LRMDA: variants seen among roughly 807,000 people sequenced by gnomAD.
The protein encoded by LRMDA is leucine-rich melanocyte differentiation-associated protein.
In LRMDA, 18 loss-of-function variants were observed where a neutral mutation model predicts 29.8. That is an observed-to-expected ratio of 0.60 (90% CI 0.42 to 0.90). The LOEUF (loss-of-function observed/expected upper bound fraction) is 0.90, where lower values mean the gene tolerates loss of function less well. Among genes scored for constraint, LRMDA ranks in the 40% least tolerant of loss-of-function variants. The probability of loss-of-function intolerance (pLI) is 0.00; values close to 1 mark genes in which losing one functional copy is unlikely to be tolerated. For synonymous variants in LRMDA, 125 were observed against 109.4 expected (o/e 1.14, Z -0.89); for missense variants, 273 against 273.9 (o/e 1.00, Z 0.02).
intron 2 of LRMDA, among the ~76,000 whole-genome samples, chr10:76,010,400 C>A (rs1847756175): frequency 6.6e-6 from 1 of 151,728 alleles, no homozygotes; most frequent in African/African-American, 2.4e-5. Context: ...GCAACCTCCG[C>A]CTCCCGAGTT....
At chr10:75,654,240 A>G (rs1841638699) in intron 2 of LRMDA, among the ~76,000 whole-genome samples, 1 of 152,216 alleles carries the variant, frequency 6.6e-6, no homozygotes, top group Non-Finnish European at 1.5e-5. Context: ...TACTGGCTGT[A>G]TGACTGTGGG....
At position 76,074,137 on chromosome 10, in the gene LRMDA, C is replaced by T. The variant is rs139940904; in HGVS notation, c.516+15354C>T. ...TTCTCTTAAATCTATCCACACTTCT[C>T]AGGGGTTATACTTGTTTAAAGATTG... is the stretch of plus-strand genomic sequence containing the variant. On this transcript the variant is annotated intron_variant, in intron 5 of 6. Coordinates refer to ENST00000611255, the MANE Select transcript of LRMDA (RefSeq NM_001305581.2). Among the ~76,000 whole-genome samples, 298 of 152,306 alleles carry T rather than the reference C, an allele frequency of 2.0e-3. 5 individuals carry two copies. Among genetic ancestry groups the T allele is most frequent in the African/African-American group, 7.0e-3 (291 of 41,566 alleles).
rs186179793 is a variant in LRMDA, at chr10:76,390,620, C to T, written c.601+66135C>T. Among the ~76,000 whole-genome samples, 46 of 152,278 alleles carry T rather than the reference C, an allele frequency of 3.0e-4. No individual in the cohort carries two copies. In the East Asian group the frequency reaches 8.5e-3, roughly 28 times the overall value. ...GCTGAAATACTTCCATGGCAGCTCCCCCAAGAGTGCCCCTTCATTGCCCCT... is the reference window on the plus strand; with the variant it reads ...GCTGAAATACTTCCATGGCAGCTCCTCCAAGAGTGCCCCTTCATTGCCCCT... On this transcript the variant is annotated intron_variant, in intron 6 of 6. Coordinates refer to ENST00000611255, the MANE Select transcript of LRMDA (RefSeq NM_001305581.2).
At chr10:75,798,322 A>G (rs1279009348) in intron 2 of LRMDA, among the ~76,000 whole-genome samples, 1 of 152,082 alleles carries the variant, frequency 6.6e-6, no homozygotes, top group African/African-American at 2.4e-5. Context: ...AATATTGGCA[A>G]AGTCCAACTT....
intron 2 of LRMDA, among the ~76,000 whole-genome samples, chr10:75,918,327 T>C (rs1163022114): frequency 6.6e-6 from 1 of 152,140 alleles, no homozygotes; most frequent in Non-Finnish European, 1.5e-5. Context: ...TGGCTCACAG[T>C]TCTACAGGCT....
At chr10:76,444,266 T>G (rs559488442) in intron 6 of LRMDA, among the ~76,000 whole-genome samples, 8 of 152,158 alleles carry the variant, frequency 5.3e-5, no homozygotes, top group Non-Finnish European at 1.2e-4. Context: ...TTTGACCTAT[T>G]TATTTCAAGG....
chr10:76,285,322 T>C (rs1840258352), intron 5 of LRMDA, among the ~76,000 whole-genome samples: 1 of 152,100 alleles, frequency 6.6e-6, no homozygotes. Context: ...TACAGTTGTC[T>C]GCAAACTTGG....
intron 2 of LRMDA, among the ~76,000 whole-genome samples, chr10:75,478,013 C>T (rs1352192572): frequency 6.6e-6 from 1 of 152,184 alleles, no homozygotes; most frequent in Non-Finnish European, 1.5e-5. Flanking sequence ...CCACTGCTTC[C>T]GTGGCCCCCG....
chr10:76,001,150 G>T (rs1009012628), intron 2 of LRMDA, among the ~76,000 whole-genome samples: 1 of 152,210 alleles, frequency 6.6e-6, no homozygotes, highest in Non-Finnish European at 1.5e-5. Context: ...AAATTCTTTC[G>T]CATTGTCTGG....
chr10:75,617,864 G>A (rs111474973), intron 2 of LRMDA, among the ~76,000 whole-genome samples: 57 of 152,310 alleles, frequency 3.7e-4, no homozygotes, highest in African/African-American at 1.3e-3. Flanking sequence ...AGTCACTAGG[G>A]TGGAGTAAGC....
chr10:76,061,771 C>T (rs980399643), intron 5 of LRMDA, among the ~76,000 whole-genome samples: 4 of 152,110 alleles, frequency 2.6e-5, no homozygotes, highest in African/African-American at 9.7e-5. Flanking sequence ...CAATTTATGC[C>T]ATGATTCTTC....
intron 6 of LRMDA, among the ~76,000 whole-genome samples, chr10:76,333,363 A>G (rs757746494): frequency 6.6e-6 from 1 of 152,124 alleles, no homozygotes; most frequent in Non-Finnish European, 1.5e-5. Flanking sequence ...CCATGGTGGG[A>G]TGGGATTGGA....
chr10:75,708,275 G>A lies in LRMDA; in HGVS notation c.131+269781G>A, dbSNP rs1564545885. On this transcript the variant is annotated intron_variant, in intron 2 of 6. Transcript: ENST00000611255. ...CTGTCAGCTTCGTCGATCTGTCTCC[G>A]CCACTGCTCTCTCTCTCATAACACA... 2.6e-5 allele frequency among the ~76,000 whole-genome samples: 4 copies of A among 152,134 alleles called. No homozygotes were observed. The South Asian group carries it at 6.2e-4, about 24-fold the overall frequency.
chr10:76,110,968 A>G (rs1269951535), intron 5 of LRMDA, among the ~76,000 whole-genome samples: 1 of 150,566 alleles, frequency 6.6e-6, no homozygotes. Context: ...CCTACCCCCT[A>G]CTCATCTACT....
At chr10:75,860,154 C>G (rs1400743269) in intron 2 of LRMDA, among the ~76,000 whole-genome samples, 1 of 152,004 alleles carries the variant, frequency 6.6e-6, no homozygotes, top group Non-Finnish European at 1.5e-5. Context: ...AAGAGTATTT[C>G]ACAAAATTTA....
chr10:76,181,813 A>G (rs999004922), intron 5 of LRMDA, among the ~76,000 whole-genome samples: 47 of 152,334 alleles, frequency 3.1e-4, no homozygotes, highest in African/African-American at 1.1e-3. Flanking sequence ...GGCCTTTGGG[A>G]CTAAATCTCA....
intron 2 of LRMDA, among the ~76,000 whole-genome samples, chr10:75,886,021 A>G (rs1236063058): frequency 6.6e-6 from 1 of 152,244 alleles, no homozygotes; most frequent in Non-Finnish European, 1.5e-5. Flanking sequence ...GTGAGAGAAT[A>G]TAAACCTGGA....
intron 2 of LRMDA, among the ~76,000 whole-genome samples, chr10:75,950,647 G>T (rs1042154938): frequency 6.6e-6 from 1 of 152,146 alleles, no homozygotes; most frequent in African/African-American, 2.4e-5. Flanking sequence ...AGTCCTCTTC[G>T]GGGACTTGTT....
At chr10:76,269,898 C>T (rs1368927878) in intron 5 of LRMDA, among the ~76,000 whole-genome samples, 1 of 152,184 alleles carries the variant, frequency 6.6e-6, no homozygotes, top group African/African-American at 2.4e-5. Context: ...TTGTCTGATA[C>T]CTGTTTTTAA....
Sources: gnomAD v4.1 joint callset for allele counts (sites outside exome capture counted in the v4.1 genomes callset) on GRCh38, gnomAD v4.1.1 for gene constraint, MANE v1.5 for transcripts, NCBI Gene and HGNC (gene_info 2026-07-23, HGNC 2026-07-21) for gene names.